FXYD2: variants seen among roughly 807,000 people sequenced by gnomAD.
The protein encoded by FXYD2 is sodium/potassium-transporting ATPase subunit gamma.
FXYD2 carries 8 observed loss-of-function variants against 11.8 expected under a neutral mutation model. The observed-to-expected ratio is 0.68, with a 90% CI of 0.40 to 1.22. FXYD2 has a LOEUF of 1.22. FXYD2 is among the 50% of genes most tolerant of loss of function. FXYD2 has a pLI of 0.01. For missense variants in FXYD2, 92 were observed against 91.8 expected, an observed-to-expected ratio of 1.00 and a Z score of -0.01; for synonymous variants, 42 against 33.3, an observed-to-expected ratio of 1.26 and a Z score of -0.90.
At chr11:117,827,215 C>G (rs1046671812), upstream of FXYD2, among the ~76,000 whole-genome samples, 1 of 152,156 alleles carries the variant, frequency 6.6e-6, no homozygotes, top group Non-Finnish European at 1.5e-5. Context: ...TTTTTAAACT[C>G]TGTGTGCAAG....
At chr11:117,825,137 C>T (rs541562088), upstream of FXYD2, among the ~76,000 whole-genome samples, 1 of 152,320 alleles carries the variant, frequency 6.6e-6, no homozygotes, top group Non-Finnish European at 1.5e-5. Flanking sequence ...TGGATGCCGC[C>T]GCTGCAGCTG....
At chr11:117,821,354 C>A (rs1482875868) in intron 3 of FXYD2, 43 of 989,476 alleles carry the variant, frequency 4.3e-5, no homozygotes, top group Non-Finnish European at 5.2e-5. Flanking sequence ...AGCCACCACG[C>A]CCAGCCTTCT....
intron 5 of FXYD2, 123 bp from the exon 6 acceptor site, chr11:117,820,495 C>A (rs1056258061): frequency 1.6e-4 from 122 of 773,376 alleles, no homozygotes; most frequent in South Asian, 4.5e-4. Context: ...ACACACTCCA[C>A]GCCAGGCCCT....
upstream of FXYD2, among the ~76,000 whole-genome samples, chr11:117,826,324 T>C (rs1270692473): frequency 6.6e-6 from 1 of 152,170 alleles, no homozygotes; most frequent in Non-Finnish European, 1.5e-5. Context: ...AAGAAATATA[T>C]ATTCGTGCAA....
At chr11:117,821,439 A>C in intron 3 of FXYD2, 1 of 986,822 alleles carries the variant, frequency 1.0e-6, no homozygotes, top group African/African-American at 1.7e-5. Context: ...TATTTACTGG[A>C]GCAGATCCAC....
In FXYD2 at chr11:117,820,938, C is replaced by G. The variant is rs746130582; in HGVS notation, c.140-43G>C. 6 of 1,614,010 alleles carry G rather than the reference C, an allele frequency of 3.7e-6. No individual in the cohort carries two copies. The Admixed American group carries it at 1.0e-4, about 27-fold the overall frequency. ...AGATTTGTTTCCATGGACTAATTTT[C>G]CAAGGAGACCCTGGAAGACTCAAAA... On this transcript the variant is annotated intron_variant, in intron 3 of 5. Transcript: ENST00000292079.
At chr11:117,825,269 C>A (rs1457536240), upstream of FXYD2, among the ~76,000 whole-genome samples, 1 of 152,196 alleles carries the variant, frequency 6.6e-6, no homozygotes, top group Middle Eastern at 3.2e-3. Flanking sequence ...TCCAGAAGGG[C>A]CCTTCATCTG....
chr11:117,820,669 C>A lies in FXYD2; in HGVS notation c.*3G>T, dbSNP rs1555039078. The A allele has an allele frequency of 1.9e-6, 3 of 1,613,874 alleles. No homozygotes were observed. The highest frequency in any genetic ancestry group is 2.5e-6 in the Non-Finnish European group (3 of 1,179,968). ...TCCCCAGGCCCTCCTAGCATACCTG[C>A]TGTTACGGCTCATCTTCATTGATTT... On this transcript the variant is annotated 3_prime_UTR_variant, in exon 5 of 6. Transcript: ENST00000292079.
chr11:117,823,249 A>C (rs1454432000), intron 1 of FXYD2, among the ~76,000 whole-genome samples: 1 of 152,250 alleles, frequency 6.6e-6, no homozygotes, highest in Non-Finnish European at 1.5e-5. Context: ...CAGGGGAAGC[A>C]GATCTAGTTA....
chr11:117,824,686 G>A lies in FXYD2; in HGVS notation c.-8C>T. 1 of 1,613,964 alleles carries A rather than the reference G, an allele frequency of 6.2e-7. No homozygotes were observed. On this transcript the variant is annotated 5_prime_UTR_variant, in exon 1 of 6. Coordinates refer to ENST00000292079, the MANE Select transcript of FXYD2 (RefSeq NM_001680.5). This position sits in a 1 kb window ranked among gnomAD's most constrained non-coding sequence, Gnocchi z 4.0. ...CATCGACAACCCAGTCATTTCCCCA[G>A]GTGAATGGGCTGCCTCCACTCCCCT...
chr11:117,824,688 T>A lies in FXYD2; in HGVS notation c.-10A>T, dbSNP rs12279985. On this transcript the variant is annotated 5_prime_UTR_variant, in exon 1 of 6. Coordinates refer to ENST00000292079, the MANE Select transcript of FXYD2 (RefSeq NM_001680.5). This position sits in a 1 kb window ranked among gnomAD's most constrained non-coding sequence, Gnocchi z 4.0. ...TCGACAACCCAGTCATTTCCCCAGG[T>A]GAATGGGCTGCCTCCACTCCCCTCT... is the stretch of plus-strand genomic sequence containing the variant. 6.2e-7 allele frequency: 1 copy of A among 1,613,782 alleles called. No individual in the cohort carries two copies. Among genetic ancestry groups the A allele is most frequent in the Admixed American group, 1.7e-5 (1 of 59,994 alleles).
At chr11:117,827,979 G>A (rs1432582366), upstream of FXYD2, 1 of 1,498,168 alleles carries the variant, frequency 6.7e-7, no homozygotes, top group Non-Finnish European at 9.1e-7. Context: ...GGAGGAATGG[G>A]GCTCAGAGGA....
chr11:117,825,510 A>G (rs1465036512), upstream of FXYD2, among the ~76,000 whole-genome samples: 1 of 151,964 alleles, frequency 6.6e-6, no homozygotes, highest in African/African-American at 2.4e-5. Flanking sequence ...ATGGTTTACC[A>G]AGCACTTTCC....
intron 3 of FXYD2, chr11:117,821,955 T>C: frequency 1.9e-6 from 2 of 1,057,788 alleles, no homozygotes; most frequent in Non-Finnish European, 1.1e-6. Context: ...GATACATAAC[T>C]CTCTTTGTCT....
rs2134098054 is a variant in FXYD2, at chr11:117,820,873, G to A, written c.162C>T (p.Gly54=). 6.2e-7 allele frequency: 1 copy of A among 1,606,328 alleles called. No individual in the cohort carries two copies. Among genetic ancestry groups the A allele is most frequent in the Middle Eastern group, 1.7e-4 (1 of 6,052 alleles). ...GCAGCGCTCACCTGCGCTTCTTATT[G>A]CCCCCACAGCGGAATCTTCTGCCTT... ...ILLSRRFRCG[G]NKKRRQINED... The change falls in exon 4 of 6, where the codon GGC becomes GGT. Residue 54 remains glycine (G), a synonymous_variant. Coordinates refer to ENST00000292079, the MANE Select transcript of FXYD2 (RefSeq NM_001680.5).
In FXYD2 at chr11:117,822,327, C is replaced by T. The variant is rs1054091571; in HGVS notation, c.139+79G>A. 7.7e-6 allele frequency: 12 copies of T among 1,548,862 alleles called. No homozygotes were observed. Among genetic ancestry groups the T allele is most frequent in the African/African-American group, 1.4e-5 (1 of 72,978 alleles). ...GGCTCACCCCTCCCTTGGCAACTCC[C>T]GAAAGCCAGCCTGCTCAGCGGCCTT... On this transcript the variant is annotated intron_variant, in intron 3 of 5. Transcript: ENST00000292079. The surrounding 1 kb of genome is among the most constrained non-coding windows in gnomAD (Gnocchi z 4.7).
At chr11:117,821,885 G>C (rs2055914114) in intron 3 of FXYD2, 15 of 1,005,406 alleles carry the variant, frequency 1.5e-5, no homozygotes, top group Non-Finnish European at 1.5e-5. Flanking sequence ...CTTTGGGTTG[G>C]ACCAAAACAA....
intron 3 of FXYD2, chr11:117,821,104 T>G (rs1043049106): frequency 2.0e-6 from 1 of 499,264 alleles, no homozygotes; most frequent in Non-Finnish European, 3.1e-6. Flanking sequence ...TCACCCAGGC[T>G]GGAGTGCAGT....
rs187054528 is a variant in FXYD2, at chr11:117,824,376, G to A, written c.25+278C>T. ...TAGCAAGATGCATTGAACTCAGGGC[G>A]GGTGTGTGCCAGGAGGCCGAGGAGG... On this transcript the variant is annotated intron_variant, in intron 1 of 5. Transcript: ENST00000292079. This position sits in a 1 kb window ranked among gnomAD's most constrained non-coding sequence, Gnocchi z 4.0. 8 of 574,612 alleles carry A rather than the reference G, an allele frequency of 1.4e-5. No individual in the cohort carries two copies. Among genetic ancestry groups the A allele is most frequent in the Non-Finnish European group, 2.2e-5 (7 of 320,372 alleles). 35.6% of individuals were successfully genotyped at this position (574,612 alleles called of 1,614,324 possible).
Sources: allele counts gnomAD v4.1 joint callset (sites outside exome capture counted in the v4.1 genomes callset), GRCh38; gene constraint gnomAD v4.1.1; non-coding constraint Gnocchi (gnomAD v3.1); transcripts MANE v1.5; gene names NCBI Gene and HGNC (gene_info 2026-07-23, HGNC 2026-07-21).